Variants in ZFAND3 observed in about 807,000 individuals in gnomAD.
ZFAND3 encodes the protein AN1-type zinc finger protein 3.
In ZFAND3, 10 loss-of-function variants were observed where a neutral mutation model predicts 29.6. The observed-to-expected ratio is 0.34, with a 90% CI of 0.21 to 0.57. The LOEUF (loss-of-function observed/expected upper bound fraction) is 0.57, where lower values mean the gene tolerates loss of function less well. ZFAND3 is among the 20% of genes least tolerant of loss of function. ZFAND3 has a pLI of 0.86. For synonymous variants in ZFAND3, 128 were observed against 112.6 expected (o/e 1.14, Z -0.87); for missense variants, 230 against 304.5 (o/e 0.76, Z 1.82).
Position 37,819,967 on chromosome 6 carries a change from C to A in ZFAND3, c.22C>A (p.Arg8Ser). The A allele has an allele frequency of 8.2e-7, 1 of 1,221,228 alleles. No individual in the cohort carries two copies. Among genetic ancestry groups the A allele is most frequent in the Non-Finnish European group, 1.0e-6 (1 of 981,338 alleles). The allele number at this position is 1,221,228 out of a possible 1,614,324, so 75.6% of individuals were successfully genotyped here. Residue 8 changes from arginine (R) to serine (S), a missense_variant, in exon 1 of 6, where the codon CGC becomes AGC. Coordinates refer to ENST00000287218, the MANE Select transcript of ZFAND3 (RefSeq NM_021943.3). The stretch of plus-strand genomic sequence containing the variant: ...CACCATGGGAGACGCTGGGAGCGAG[C>A]GCAGCAAAGCGCCCAGCCTGCCGCC... MGDAGSE[R>S]SKAPSLPPRC... is the part of the protein sequence containing the mutation.
chr6:38,030,624 G>A (rs9394471), intron 2 of ZFAND3, among the ~76,000 whole-genome samples: 56,021 of 151,948 alleles, frequency 0.37, 11,098 homozygotes, highest in East Asian at 0.57. Flanking sequence ...GCAGTAGGAA[G>A]ACATCTTTAA....
At chr6:38,082,112 TA>T (rs1361358705) in intron 3 of ZFAND3, among the ~76,000 whole-genome samples, 2 of 151,954 alleles carry the variant, frequency 1.3e-5, no homozygotes, top group Non-Finnish European at 2.9e-5. Context: ...TTTTATTCTT[TA>T]ACTTGTTAAC....
At chr6:37,861,779 A>T (rs2127384025) in intron 1 of ZFAND3, among the ~76,000 whole-genome samples, 1 of 152,366 alleles carries the variant, frequency 6.6e-6, no homozygotes, top group East Asian at 1.9e-4. Context: ...TCACACTCCA[A>T]AATTTACTTA....
chr6:37,991,600 G>C (rs967300982), intron 2 of ZFAND3, among the ~76,000 whole-genome samples: 1 of 152,144 alleles, frequency 6.6e-6, no homozygotes, highest in Admixed American at 6.5e-5. Context: ...TGAGCCACCT[G>C]TCTTGGCCTC....
intron 4 of ZFAND3, among the ~76,000 whole-genome samples, chr6:38,115,172 A>G (rs1187713735): frequency 2.6e-5 from 4 of 152,236 alleles, no homozygotes; most frequent in Admixed American, 6.5e-5. Context: ...GCAAACTACC[A>G]TCATCACCAT....
chr6:37,886,376 T>A (rs1764995041), intron 1 of ZFAND3, among the ~76,000 whole-genome samples: 1 of 151,990 alleles, frequency 6.6e-6, no homozygotes, highest in African/African-American at 2.4e-5. Flanking sequence ...AATGTGATCT[T>A]AGGTAAATCA....
At chr6:37,820,716 A>G (rs1260922944) in intron 1 of ZFAND3, among the ~76,000 whole-genome samples, 1 of 152,232 alleles carries the variant, frequency 6.6e-6, no homozygotes, top group Non-Finnish European at 1.5e-5. Flanking sequence ...TATGAGATCC[A>G]GTTTCCTCAG....
chr6:37,931,674 G>A (rs1410381637), intron 2 of ZFAND3, among the ~76,000 whole-genome samples: 1 of 152,150 alleles, frequency 6.6e-6, no homozygotes, highest in Admixed American at 6.5e-5. Context: ...TAAAGGTCCA[G>A]GTTGAGGCCT....
chr6:37,839,802 C>T (rs926378640), intron 1 of ZFAND3, among the ~76,000 whole-genome samples: 3 of 152,094 alleles, frequency 2.0e-5, no homozygotes, highest in South Asian at 2.1e-4. Context: ...CTTGAGCCAC[C>T]GCACCCGGCC....
chr6:37,961,198 C>T (rs1762189195), intron 2 of ZFAND3, among the ~76,000 whole-genome samples: 1 of 152,156 alleles, frequency 6.6e-6, no homozygotes, highest in Non-Finnish European at 1.5e-5. Flanking sequence ...TGAGTCACTG[C>T]CAGGTGGTAG....
chr6:38,046,047 G>A (rs1763896940), intron 2 of ZFAND3, among the ~76,000 whole-genome samples: 1 of 152,152 alleles, frequency 6.6e-6, no homozygotes, highest in Non-Finnish European at 1.5e-5. Flanking sequence ...TAGAAGCCAA[G>A]GGCGTTATAT....
intron 3 of ZFAND3, among the ~76,000 whole-genome samples, chr6:38,062,196 T>G (rs1192396198): frequency 6.6e-6 from 1 of 152,140 alleles, no homozygotes; most frequent in African/African-American, 2.4e-5. Context: ...AAACCCTAAT[T>G]TAGGAGCCTT....
intron 5 of ZFAND3, among the ~76,000 whole-genome samples, chr6:38,119,441 A>G (rs557491666): frequency 3.3e-4 from 50 of 152,320 alleles, no homozygotes; most frequent in Non-Finnish European, 4.3e-4. Flanking sequence ...TATATTCGCA[A>G]TCTTTTCTTC....
intron 2 of ZFAND3, among the ~76,000 whole-genome samples, chr6:37,979,407 A>G (rs1762543881): frequency 6.6e-6 from 1 of 152,180 alleles, no homozygotes. Flanking sequence ...ATTTCTGTAA[A>G]TGTACAAATC....
At chr6:38,069,572 C>T (rs1336812439) in intron 3 of ZFAND3, among the ~76,000 whole-genome samples, 2 of 152,178 alleles carry the variant, frequency 1.3e-5, no homozygotes, top group African/African-American at 4.8e-5. Flanking sequence ...TTCTGCAAAG[C>T]ATGCTGCTTT....
In ZFAND3 at chr6:38,152,563, A is replaced by G. The variant is rs537361233; in HGVS notation, c.*174A>G. On this transcript the variant is annotated 3_prime_UTR_variant, in exon 6 of 6. Transcript: ENST00000287218. Reference sequence around the variant, plus strand: ...AGTTTAGGGGTTGATGGTGGTTGAAATTGATTTCTGGCTGGTTACTAAGGT... The same window carrying G: ...AGTTTAGGGGTTGATGGTGGTTGAAGTTGATTTCTGGCTGGTTACTAAGGT... 9 of 1,277,012 alleles carry G rather than the reference A, an allele frequency of 7.0e-6. No individual in the cohort carries two copies. The African/African-American group carries it at 1.1e-4, about 15-fold the overall frequency. 79.1% of individuals were successfully genotyped at this position (1,277,012 alleles called of 1,614,324 possible). A position where few individuals can be genotyped will look rare whatever the true frequency, so the allele number is the denominator to read the frequency against.
intron 1 of ZFAND3, among the ~76,000 whole-genome samples, chr6:37,867,213 T>C (rs1764605296): frequency 6.6e-6 from 1 of 152,196 alleles, no homozygotes; most frequent in South Asian, 2.1e-4. Flanking sequence ...AAGTGCATGT[T>C]GTGCAGTAAA....
intron 2 of ZFAND3, among the ~76,000 whole-genome samples, chr6:37,977,807 T>A (rs1437676494): frequency 2.7e-5 from 2 of 74,002 alleles, no homozygotes; most frequent in Non-Finnish European, 6.2e-5. Context: ...GAAGAATGAA[T>A]GTTGAATTTT....
At chr6:37,977,145 C>T (rs1762493564) in intron 2 of ZFAND3, among the ~76,000 whole-genome samples, 1 of 152,084 alleles carries the variant, frequency 6.6e-6, no homozygotes, top group East Asian at 1.9e-4. Context: ...ATTTTAGTAT[C>T]TAAACATAAG....
Sources: allele counts gnomAD v4.1 joint callset (sites outside exome capture counted in the v4.1 genomes callset), GRCh38; gene constraint gnomAD v4.1.1; transcripts MANE v1.5; gene names NCBI Gene and HGNC (gene_info 2026-07-23, HGNC 2026-07-21).